NCALD: variants seen among roughly 807,000 people sequenced by gnomAD.
NCALD encodes neurocalcin delta.
A neutral mutation model predicts 18.6 loss-of-function variants in NCALD; 10 were observed. The observed-to-expected ratio is 0.54, with a 90% confidence interval of 0.33 to 0.91. NCALD has a LOEUF of 0.91. NCALD is among the 40% of genes least tolerant of loss of function. NCALD has a pLI of 0.03. For missense variants in NCALD, 184 were observed against 247.6 expected, an observed-to-expected ratio of 0.74 and a Z score of 1.72; for synonymous variants, 88 against 87.4, an observed-to-expected ratio of 1.01 and a Z score of -0.04.
intron 4 of NCALD, among the ~76,000 whole-genome samples, chr8:101,863,820 G>C (rs1815647156): frequency 6.6e-6 from 1 of 152,136 alleles, no homozygotes; most frequent in Admixed American, 6.5e-5. Context: ...TGAAATGCAG[G>C]AGTGAGTTGT....
At chr8:101,755,608 G>A (rs913686268) in intron 1 of NCALD, among the ~76,000 whole-genome samples, 1 of 152,032 alleles carries the variant, frequency 6.6e-6, no homozygotes, top group Non-Finnish European at 1.5e-5. Flanking sequence ...AGCTTTTCCA[G>A]CCCGCATCTC....
At chr8:101,736,665 G>T (rs971039397) in intron 1 of NCALD, among the ~76,000 whole-genome samples, 2 of 152,150 alleles carry the variant, frequency 1.3e-5, no homozygotes, top group African/African-American at 4.8e-5. Flanking sequence ...AGTTCAGGGA[G>T]TAAAGAGACT....
At chr8:101,707,805 T>C (rs1028060028) in intron 2 of NCALD, among the ~76,000 whole-genome samples, 1 of 151,748 alleles carries the variant, frequency 6.6e-6, no homozygotes, top group Admixed American at 6.6e-5. Flanking sequence ...GAGACGGAGG[T>C]TGCGGTGAGC....
chr8:101,738,118 G>C (rs1376938859), intron 1 of NCALD, among the ~76,000 whole-genome samples: 1 of 152,136 alleles, frequency 6.6e-6, no homozygotes, highest in Non-Finnish European at 1.5e-5. Context: ...CTTTATACAG[G>C]TCCAAAGTTT....
At chr8:101,805,971 G>A (rs952278752) in intron 4 of NCALD, among the ~76,000 whole-genome samples, 1 of 152,116 alleles carries the variant, frequency 6.6e-6, no homozygotes, top group South Asian at 2.1e-4. Flanking sequence ...AAAATTAGTG[G>A]AGCCTAACAG....
intron 1 of NCALD, among the ~76,000 whole-genome samples, chr8:102,021,778 G>C (rs1822282978): frequency 6.6e-6 from 1 of 152,152 alleles, no homozygotes; most frequent in South Asian, 2.1e-4. Flanking sequence ...TTGATACATA[G>C]AAGTTTCTTA....
chr8:101,814,515 A>G (rs536904752), intron 4 of NCALD, among the ~76,000 whole-genome samples: 8 of 152,114 alleles, frequency 5.3e-5, no homozygotes, highest in Non-Finnish European at 1.2e-4. Flanking sequence ...TCTACAAAAA[A>G]CCTACAGCTA....
Position 101,688,883 on chromosome 8 carries a change from C to A in NCALD, c.*426G>T. 1.6e-6 allele frequency: 1 copy of A among 626,454 alleles called. No individual in the cohort carries two copies. The highest frequency in any genetic ancestry group is 2.8e-6 in the Non-Finnish European group (1 of 350,934). The allele number at this position is 626,454 out of a possible 1,614,324, so 38.8% of individuals were successfully genotyped here. On this transcript the variant is annotated 3_prime_UTR_variant, in exon 4 of 4. Transcript: ENST00000220931. Reference sequence around the variant, plus strand: ...ATCCAGCATCCGGTGCCATCCATCACCCCTACGGCACGTGTGACAACAGAT... The same window carrying A: ...ATCCAGCATCCGGTGCCATCCATCAACCCTACGGCACGTGTGACAACAGAT...
Position 102,054,570 on chromosome 8 carries a change from C to T in NCALD, c.-209-34281G>A, listed in dbSNP as rs766577114. 1.8e-4 allele frequency among the ~76,000 whole-genome samples: 28 copies of T among 152,096 alleles called. 1 individual carries two copies. In the South Asian group the frequency reaches 5.0e-3, roughly 27 times the overall value. On this transcript the variant is annotated intron_variant, in intron 1 of 6. Transcript: ENST00000311028. ...GACCGCCTTTAGACTTTAGCTACAT[C>T]AGCTTTTCTCTGGGTCTCCAGACTG...
At chr8:101,922,263 T>C (rs1367761080) in intron 2 of NCALD, among the ~76,000 whole-genome samples, 1 of 152,022 alleles carries the variant, frequency 6.6e-6, no homozygotes, top group Non-Finnish European at 1.5e-5. Context: ...TGACCTATGA[T>C]AGAACCCTGA....
At chr8:101,895,388 C>G (rs988974912) in intron 3 of NCALD, among the ~76,000 whole-genome samples, 1 of 149,088 alleles carries the variant, frequency 6.7e-6, no homozygotes, top group Non-Finnish European at 1.5e-5. Flanking sequence ...CTATCTATGA[C>G]AAACCCACAG....
intron 2 of NCALD, among the ~76,000 whole-genome samples, chr8:102,005,895 G>T (rs757048966): frequency 1.5e-5 from 2 of 137,550 alleles, no homozygotes; most frequent in Non-Finnish European, 3.1e-5. Context: ...GGGGGGCAGG[G>T]GGGAGGGATA....
chr8:101,747,970 G>A (rs1180915138), intron 1 of NCALD, among the ~76,000 whole-genome samples: 2 of 152,016 alleles, frequency 1.3e-5, no homozygotes, highest in African/African-American at 4.8e-5. Context: ...TGCCCGCCTC[G>A]GCCTCCCAAA....
intron 1 of NCALD, among the ~76,000 whole-genome samples, chr8:102,053,178 A>G (rs900724655): frequency 1.2e-4 from 19 of 152,202 alleles, no homozygotes; most frequent in African/African-American, 3.6e-4. Flanking sequence ...AAAATTCACC[A>G]TATGTCATAA....
intron 4 of NCALD, among the ~76,000 whole-genome samples, chr8:101,817,696 C>CCATTCACTGCCCAGCAGCCTGAAAGATG (rs1813555040): frequency 6.6e-6 from 1 of 152,108 alleles, no homozygotes; most frequent in Non-Finnish European, 1.5e-5. Flanking sequence ...TCAGAGCATC[C>CCATTCACTGCCCAGCAGCCTGAAAGATG]CATTCACTGC....
At chr8:101,769,774 G>A (rs1405419361) in intron 1 of NCALD, among the ~76,000 whole-genome samples, 3 of 152,116 alleles carry the variant, frequency 2.0e-5, no homozygotes, top group Non-Finnish European at 4.4e-5. Flanking sequence ...GTCCCTGTTT[G>A]TTTACGTCTA....
At chr8:101,887,549 T>A (rs891588184) in intron 3 of NCALD, among the ~76,000 whole-genome samples, 1 of 152,062 alleles carries the variant, frequency 6.6e-6, no homozygotes, top group Non-Finnish European at 1.5e-5. Context: ...TGGGTAACAT[T>A]CAGGCCTTAT....
intron 1 of NCALD, among the ~76,000 whole-genome samples, chr8:101,778,533 C>T (rs933040362): frequency 1.3e-5 from 2 of 151,616 alleles, no homozygotes; most frequent in African/African-American, 4.8e-5. Flanking sequence ...AGTCTACATT[C>T]ATAAATATAA....
At chr8:102,036,504 G>A (rs1469084124) in intron 1 of NCALD, among the ~76,000 whole-genome samples, 16 of 152,106 alleles carry the variant, frequency 1.1e-4, no homozygotes, top group Admixed American at 1.0e-3. Context: ...GCCGGGTATG[G>A]TGGCTCACGC....
Sources: allele counts gnomAD v4.1 joint callset (sites outside exome capture counted in the v4.1 genomes callset), GRCh38; gene constraint gnomAD v4.1.1; transcripts MANE v1.5; gene names NCBI Gene and HGNC (gene_info 2026-07-23, HGNC 2026-07-21).